The following ZEB2 variants were observed in gnomAD, a reference collection of about 807,000 sequenced individuals.
ZEB2 encodes the protein zinc finger E-box-binding homeobox 2.
ZEB2 carries 6 observed loss-of-function variants against 99.9 expected under a neutral mutation model. The observed-to-expected ratio is 0.06, with a 90% CI of 0.03 to 0.12. ZEB2 has a LOEUF of 0.12. ZEB2 is among the 10% of genes least tolerant of loss of function. The pLI is 1.00. For missense variants in ZEB2, 969 were observed against 1,502.8 expected, an observed-to-expected ratio of 0.64 and a Z score of 5.87; for synonymous variants, 517 against 542.5, an observed-to-expected ratio of 0.95 and a Z score of 0.65.
At chr2:144,410,519 C>T (rs1703446459) in intron 4 of ZEB2, among the ~76,000 whole-genome samples, 1 of 152,142 alleles carries the variant, frequency 6.6e-6, no homozygotes, top group African/African-American at 2.4e-5. Context: ...TATTGGTCCC[C>T]AAATTAGTCA....
chr2:144,425,233 T>A (rs1703676164), intron 3 of ZEB2, among the ~76,000 whole-genome samples: 1 of 152,238 alleles, frequency 6.6e-6, no homozygotes, highest in Non-Finnish European at 1.5e-5. Flanking sequence ...CTGCTATGCC[T>A]CTGGAAACTC....
At chr2:144,401,121 G>A in intron 7 of ZEB2, 78 bp downstream of exon 7, 1 of 1,337,460 alleles carries the variant, frequency 7.5e-7, no homozygotes, top group Non-Finnish European at 1.1e-6. Context: ...ATAGGACTGT[G>A]TAAATTTTAA....
rs575123770 is a variant in ZEB2, at chr2:144,409,897, C to A, written c.404-4873G>T. On this transcript the variant is annotated intron_variant, in intron 4 of 9. Transcript: ENST00000627532. ...AAGTGAGACCCCTGTCTCAAAAAAACCAAAAAAAAGTTGTTGTTTTTTTTT... is the reference window on the plus strand; with the variant it reads ...AAGTGAGACCCCTGTCTCAAAAAAAACAAAAAAAAGTTGTTGTTTTTTTTT... 4.4e-4 allele frequency among the ~76,000 whole-genome samples: 66 copies of A among 150,738 alleles called. 1 individual carries two copies. Among genetic ancestry groups the A allele is most frequent in the Non-Finnish European group, 5.2e-4 (35 of 67,636 alleles).
chr2:144,489,418 T>C (rs530867374), intron 2 of ZEB2, among the ~76,000 whole-genome samples: 3 of 152,314 alleles, frequency 2.0e-5, no homozygotes, highest in African/African-American at 7.2e-5. Flanking sequence ...ACTCCTATCA[T>C]GAATCAGGCA....
intron 1 of ZEB2, chr2:144,518,312 C>T (rs1705202843): frequency 6.6e-6 from 1 of 152,104 alleles, no homozygotes; most frequent in Admixed American, 6.6e-5. Flanking sequence ...GAGAGAGGCG[C>T]TGCATTTTTT....
At position 144,399,194 on chromosome 2, in the gene ZEB2, T is replaced by C. The variant is rs1388932284; in HGVS notation, c.1993A>G (p.Met665Val). 1.9e-6 allele frequency: 3 copies of C among 1,614,184 alleles called. No homozygotes were observed. Among genetic ancestry groups the C allele is most frequent in the Non-Finnish European group, 2.5e-6 (3 of 1,180,000 alleles). The change falls in exon 8 of 10, where the codon ATG becomes GTG. Residue 665 changes from methionine (M) to valine (V), a missense_variant. Met to Val is a conservative substitution (Grantham distance 21, BLOSUM62 1). Around this residue, in one of 8 missense-constraint regions of ZEB2, gnomAD observed 346 missense variants for 460.0 expected, o/e 0.75. Transcript: ENST00000627532. This position sits in a 1 kb window ranked among gnomAD's most constrained non-coding sequence, Gnocchi z 5.6. ...HMSVLKAYYA[M>V]NMEPNSDELL... ...TCATCGGAGTTGGGCTCCATGTTCA[T>C]AGCATAGTATGCTTTGAGTACAGAC...
In ZEB2 at chr2:144,425,038, A is replaced by G. The variant is rs933627413; in HGVS notation, c.332-171T>C. ...GCAATTGAATGAATCCAATAGTGCTAGCTGCACAAGAACTTATTTACTTTA... is the reference window on the plus strand; with the variant it reads ...GCAATTGAATGAATCCAATAGTGCTGGCTGCACAAGAACTTATTTACTTTA... On this transcript the variant is annotated intron_variant, in intron 3 of 9. Coordinates refer to ENST00000627532, the MANE Select transcript of ZEB2 (RefSeq NM_014795.4). 9 of 656,374 alleles carry G rather than the reference A, an allele frequency of 1.4e-5. No individual in the cohort carries two copies. In the African/African-American group the frequency reaches 1.6e-4, roughly 12 times the overall value. 40.7% of individuals were successfully genotyped at this position (656,374 alleles called of 1,614,324 possible). A position where few individuals can be genotyped will look rare whatever the true frequency, so the allele number is the denominator to read the frequency against.
chr2:144,475,696 A>T (rs1317906703), intron 2 of ZEB2, among the ~76,000 whole-genome samples: 1 of 151,998 alleles, frequency 6.6e-6, no homozygotes, highest in African/African-American at 2.4e-5. Flanking sequence ...CTGCCTCCTT[A>T]AAAAAAATTA....
rs536105869 is a variant in ZEB2, at chr2:144,517,558, C to T, written c.-69-139G>A. ...ACGCCAAAGCGAAACTTCGGCGGCC[C>T]CCTCCCCGCCCCCCACCCCCAGCCT... On this transcript the variant is annotated intron_variant, in intron 1 of 9. Transcript: ENST00000627532. 84 of 656,266 alleles carry T rather than the reference C, an allele frequency of 1.3e-4. No homozygotes were observed. The African/African-American group carries it at 1.5e-3, about 12-fold the overall frequency. The allele number at this position is 656,266 out of a possible 1,614,324, so 40.7% of individuals were successfully genotyped here.
At chr2:144,498,240 A>G (rs1412134148) in intron 2 of ZEB2, among the ~76,000 whole-genome samples, 3 of 144,328 alleles carry the variant, frequency 2.1e-5, no homozygotes, top group Admixed American at 7.4e-5. Context: ...GTAAAGAGGT[A>G]AGATTTCTAC....
chr2:144,402,060 TTC>T (rs1274633169), intron 6 of ZEB2, among the ~76,000 whole-genome samples: 2 of 152,234 alleles, frequency 1.3e-5, no homozygotes, highest in African/African-American at 4.8e-5. Flanking sequence ...ACTTTTCATT[TTC>T]CTTTTTAGTA....
intron 2 of ZEB2, chr2:144,512,787 C>A (rs1378295630): frequency 7.8e-7 from 1 of 1,287,164 alleles, no homozygotes; most frequent in Admixed American, 2.3e-5. Flanking sequence ...TACATAGCCC[C>A]CAGCCTTGTG....
At chr2:144,515,154 A>C (rs899179527) in intron 2 of ZEB2, among the ~76,000 whole-genome samples, 7 of 152,158 alleles carry the variant, frequency 4.6e-5, no homozygotes, top group African/African-American at 1.4e-4. Context: ...TCCCTGCAAA[A>C]GAACACTTCT....
chr2:144,466,444 C>A (rs1704273631), intron 2 of ZEB2, among the ~76,000 whole-genome samples: 1 of 152,100 alleles, frequency 6.6e-6, no homozygotes, highest in Non-Finnish European at 1.5e-5. Context: ...AACGAATACT[C>A]AACAACATAT....
chr2:144,490,929 C>T (rs1218877667), intron 2 of ZEB2, among the ~76,000 whole-genome samples: 1 of 152,234 alleles, frequency 6.6e-6, no homozygotes, highest in Non-Finnish European at 1.5e-5. Context: ...GTGCAGGCCT[C>T]TGCGATAAAG....
intron 2 of ZEB2, among the ~76,000 whole-genome samples, chr2:144,469,585 A>T (rs559943431): frequency 6.6e-6 from 1 of 152,280 alleles, no homozygotes; most frequent in African/African-American, 2.4e-5. Context: ...GCAGAGCAGT[A>T]AATCATTTTC....
intron 2 of ZEB2, among the ~76,000 whole-genome samples, chr2:144,479,072 G>A (rs950351542): frequency 2.0e-5 from 3 of 152,036 alleles, no homozygotes; most frequent in African/African-American, 7.2e-5. Flanking sequence ...AAAATCAAAC[G>A]TCATTTCCAA....
In ZEB2 at chr2:144,429,773, A is replaced by C. The variant is rs753161986; in HGVS notation, c.327T>G (p.Gly109=). The C allele has an allele frequency of 1.9e-6, 3 of 1,613,808 alleles. No individual in the cohort carries two copies. In the South Asian group the frequency reaches 3.3e-5, roughly 18 times the overall value. ...CAAGTGATTTTAGACACTTACCTGG[A>C]CCATCTACAGAGGCTTGTAGAATCT... is the stretch of plus-strand genomic sequence containing the variant. ...NNEILQASVD[G]PEEMKEDYDT... Residue 109 remains glycine (G), a synonymous_variant, in exon 3 of 10, where the codon GGT becomes GGG. Transcript: ENST00000627532.
chr2:144,421,398 T>C (rs1373431442), intron 4 of ZEB2, among the ~76,000 whole-genome samples: 1 of 152,182 alleles, frequency 6.6e-6, no homozygotes, highest in African/African-American at 2.4e-5. Flanking sequence ...TAAAACCACA[T>C]GTATTTAGCA....
Sources: gnomAD v4.1 joint callset for allele counts (sites outside exome capture counted in the v4.1 genomes callset) on GRCh38, gnomAD v4.1.1 for gene constraint, gnomAD v4.1.1 regional missense constraint, Gnocchi (gnomAD v3.1) non-coding constraint, MANE v1.5 for transcripts, NCBI Gene and HGNC (gene_info 2026-07-23, HGNC 2026-07-21) for gene names.